The following CACNA2D1 variants were observed in gnomAD, a reference collection of about 807,000 sequenced individuals.
CACNA2D1 encodes voltage-dependent calcium channel subunit alpha-2/delta-1.
Under a neutral mutation model 171.5 loss-of-function variants are expected in CACNA2D1, and 53 were observed. The ratio of observed to expected loss-of-function variants is 0.31; its 90% confidence interval spans 0.25 to 0.39. The LOEUF (loss-of-function observed/expected upper bound fraction) is 0.39, where lower values mean the gene tolerates loss of function less well. CACNA2D1 is among the 10% of genes least tolerant of loss of function. The pLI is 1.00. For missense variants in CACNA2D1, 903 were observed against 1,299.8 expected (o/e 0.69, Z 4.69); for synonymous variants, 442 against 443.1 (o/e 1.00, Z 0.03).
intron 9 of CACNA2D1, among the ~76,000 whole-genome samples, chr7:82,060,849 A>G (rs1275935236): frequency 6.6e-6 from 1 of 152,128 alleles, no homozygotes; most frequent in Non-Finnish European, 1.5e-5. Context: ...CCAAGTTAGA[A>G]GAGAGGAGTA....
At chr7:82,268,414 G>A (rs1413525422) in intron 3 of CACNA2D1, among the ~76,000 whole-genome samples, 1 of 152,096 alleles carries the variant, frequency 6.6e-6, no homozygotes, top group Non-Finnish European at 1.5e-5. Context: ...GCCAGCAAAG[G>A]TATTACGGAG....
intron 38 of CACNA2D1, among the ~76,000 whole-genome samples, chr7:81,955,905 T>TGG (rs59823054): frequency 2.0e-4 from 11 of 53,932 alleles, no homozygotes; most frequent in Non-Finnish European, 2.1e-4. Context: ...GTTATTTTGG[T>TGG]GGGGGGGGGG....
At chr7:82,257,580 G>A (rs879875855) in intron 3 of CACNA2D1, among the ~76,000 whole-genome samples, 2 of 152,200 alleles carry the variant, frequency 1.3e-5, no homozygotes, top group Non-Finnish European at 2.9e-5. Context: ...GTTAATGAGA[G>A]TAAGAATTCT....
chr7:82,147,699 C>T (rs996438), intron 4 of CACNA2D1, among the ~76,000 whole-genome samples: 97,858 of 151,946 alleles, frequency 0.64, 32,339 homozygotes, highest in African/African-American at 0.81. Context: ...AGCCCTTCCT[C>T]TCCAGATTAA....
intron 1 of CACNA2D1, among the ~76,000 whole-genome samples, chr7:82,406,888 T>A (rs1352726857): frequency 6.6e-6 from 1 of 152,176 alleles, no homozygotes; most frequent in Non-Finnish European, 1.5e-5. Context: ...TTCAACTTTA[T>A]CCAGATAATT....
At chr7:82,369,285 T>C (rs1428554682) in intron 1 of CACNA2D1, among the ~76,000 whole-genome samples, 1 of 151,950 alleles carries the variant, frequency 6.6e-6, no homozygotes, top group African/African-American at 2.4e-5. Flanking sequence ...TGAATTAATG[T>C]TAATTCTATT....
intron 1 of CACNA2D1, among the ~76,000 whole-genome samples, chr7:82,357,860 A>G (rs576139589): frequency 4.9e-4 from 73 of 148,306 alleles, no homozygotes; most frequent in Non-Finnish European, 9.2e-4. Context: ...TTAAAGTATA[A>G]TAAAAAAAAA....
chr7:82,088,962 T>C (rs1810808703), intron 6 of CACNA2D1, among the ~76,000 whole-genome samples: 1 of 151,642 alleles, frequency 6.6e-6, no homozygotes, highest in African/African-American at 2.4e-5. Context: ...CACAACAGGG[T>C]TCATGCTCCT....
intron 3 of CACNA2D1, among the ~76,000 whole-genome samples, chr7:82,292,480 T>C (rs1811766177): frequency 6.6e-6 from 1 of 152,180 alleles, no homozygotes; most frequent in African/African-American, 2.4e-5. Flanking sequence ...AAAAGGTGCA[T>C]CGGGAAAACA....
intron 11 of CACNA2D1, among the ~76,000 whole-genome samples, chr7:82,037,045 A>G (rs947210167): frequency 1.3e-5 from 2 of 152,208 alleles, no homozygotes; most frequent in Non-Finnish European, 2.9e-5. Context: ...GGTGCAGAGA[A>G]GTAAGGTTCC....
rs1419742069 is a variant in CACNA2D1, at chr7:81,953,779, A to T, written c.3160-3271T>A. Among the ~76,000 whole-genome samples, 3 of 152,192 alleles carry T rather than the reference A, an allele frequency of 2.0e-5. No individual in the cohort carries two copies. The East Asian group carries it at 5.8e-4, about 29-fold the overall frequency. On this transcript the variant is annotated intron_variant, in intron 38 of 38. Coordinates refer to ENST00000356860, the MANE Select transcript of CACNA2D1 (RefSeq NM_000722.4). ...TAATTTGAATAAAAATTACCACACA[A>T]GACCCATTTGTGTATTAATAACATA...
chr7:82,038,571 G>A (rs868453784), intron 10 of CACNA2D1, among the ~76,000 whole-genome samples: 1 of 152,176 alleles, frequency 6.6e-6, no homozygotes, highest in Non-Finnish European at 1.5e-5. Context: ...ATAGATGCAG[G>A]ATCCAGAAAT....
intron 3 of CACNA2D1, among the ~76,000 whole-genome samples, chr7:82,262,021 G>A (rs935242990): frequency 2.6e-5 from 4 of 151,992 alleles, no homozygotes; most frequent in Non-Finnish European, 5.9e-5. Flanking sequence ...TGCAACCTCT[G>A]GAAGTTTCAT....
chr7:82,089,681 C>T lies in CACNA2D1; in HGVS notation c.527-4781G>A, dbSNP rs959608165. Among the ~76,000 whole-genome samples the T allele has an allele frequency of 5.3e-5, 8 of 151,896 alleles. No individual in the cohort carries two copies. In the East Asian group the frequency reaches 5.8e-4, roughly 11 times the overall value. ...AAGAAAAATCTAATTTGTAACAGCA[C>T]AAAAGAAACCCCTTATATTTGCTGC... On this transcript the variant is annotated intron_variant, in intron 6 of 38. Coordinates refer to ENST00000356860, the MANE Select transcript of CACNA2D1 (RefSeq NM_000722.4).
intron 20 of CACNA2D1, among the ~76,000 whole-genome samples, chr7:81,994,278 C>A (rs1381499178): frequency 6.6e-6 from 1 of 152,158 alleles, no homozygotes; most frequent in East Asian, 1.9e-4. Flanking sequence ...AATAGATATA[C>A]TCCAATATGA....
intron 5 of CACNA2D1, among the ~76,000 whole-genome samples, chr7:82,127,566 T>G (rs1480531106): frequency 6.6e-6 from 1 of 152,154 alleles, no homozygotes; most frequent in African/African-American, 2.4e-5. Flanking sequence ...CCTGTACACA[T>G]ATTCTATTGT....
chr7:81,995,216 A>C (rs1797919331), intron 19 of CACNA2D1, among the ~76,000 whole-genome samples: 1 of 152,176 alleles, frequency 6.6e-6, no homozygotes, highest in African/African-American at 2.4e-5. Context: ...TAAAATGTTC[A>C]ATTATATTAT....
chr7:82,166,603 ATTTCATGCAGAACAAT>A (rs903041845), intron 4 of CACNA2D1, among the ~76,000 whole-genome samples: 13 of 152,096 alleles, frequency 8.5e-5, no homozygotes, highest in African/African-American at 2.9e-4. Context: ...AATAGCAATT[ATTTCATGCAGAACAAT>A]TAGCTTTCCA....
At chr7:81,963,966 AATATCCCCTAAATCC>A in intron 34 of CACNA2D1, 75 bp downstream of exon 34, 2 of 1,016,252 alleles carry the variant, frequency 2.0e-6, no homozygotes, top group South Asian at 2.8e-5. Context: ...TAAAAATTTG[AATATCCCCTAAATCC>A]ATATTTTCAT....
Sources: gnomAD v4.1 joint callset for allele counts (sites outside exome capture counted in the v4.1 genomes callset) on GRCh38, gnomAD v4.1.1 for gene constraint, MANE v1.5 for transcripts, NCBI Gene and HGNC (gene_info 2026-07-23, HGNC 2026-07-21) for gene names.